CA10: variants seen among roughly 807,000 people sequenced by gnomAD.
CA10 encodes the protein carbonic anhydrase-related protein 10.
Under a neutral mutation model 44.2 loss-of-function variants are expected in CA10, and 14 were observed. That is an observed-to-expected ratio of 0.32 (90% CI 0.21 to 0.50). The LOEUF is 0.50. Among genes scored for constraint, CA10 ranks in the 20% least tolerant of loss-of-function variants. CA10 has a pLI of 0.99. For synonymous variants in CA10, 159 were observed against 141.6 expected (o/e 1.12, Z -0.87); for missense variants, 350 against 409.7 (o/e 0.85, Z 1.26).
chr17:51,970,662 A>G (rs1984249785), intron 2 of CA10, among the ~76,000 whole-genome samples: 1 of 152,072 alleles, frequency 6.6e-6, no homozygotes, highest in Admixed American at 6.6e-5. Flanking sequence ...TTTGTGATCT[A>G]ATTCATCAGT....
chr17:52,138,477 T>G (rs2143374344), intron 1 of CA10, among the ~76,000 whole-genome samples: 1 of 152,374 alleles, frequency 6.6e-6, no homozygotes, highest in African/African-American at 2.4e-5. Context: ...TCCTGCCTTT[T>G]GTATCCAGTC....
At chr17:51,676,337 C>T (rs943744023) in intron 4 of CA10, among the ~76,000 whole-genome samples, 1 of 152,174 alleles carries the variant, frequency 6.6e-6, no homozygotes, top group African/African-American at 2.4e-5. Flanking sequence ...TTCAAGTCAT[C>T]TTTGGGAATC....
intron 4 of CA10, among the ~76,000 whole-genome samples, chr17:51,669,010 G>A (rs1316788951): frequency 1.3e-5 from 2 of 152,186 alleles, no homozygotes; most frequent in African/African-American, 4.8e-5. Context: ...CTTCCCTGTG[G>A]GGCAGGGCTG....
intron 3 of CA10, among the ~76,000 whole-genome samples, chr17:51,800,622 GA>G (rs1296246943): frequency 3.3e-5 from 5 of 152,118 alleles, no homozygotes; most frequent in African/African-American, 1.2e-4. Flanking sequence ...TAGATTGTAA[GA>G]GACACCATTA....
chr17:52,068,295 C>A (rs1987589363), intron 2 of CA10, among the ~76,000 whole-genome samples: 1 of 152,186 alleles, frequency 6.6e-6, no homozygotes, highest in Non-Finnish European at 1.5e-5. Flanking sequence ...CTTCCTGCAG[C>A]CTTGTAAAGA....
intron 3 of CA10, among the ~76,000 whole-genome samples, chr17:51,814,446 G>A (rs1598058499): frequency 6.6e-6 from 1 of 152,276 alleles, no homozygotes; most frequent in East Asian, 1.9e-4. Context: ...ATGAAGAAAT[G>A]TACGAGTGGG....
chr17:52,108,890 A>G (rs191460845), intron 1 of CA10, among the ~76,000 whole-genome samples: 103 of 152,186 alleles, frequency 6.8e-4, no homozygotes, highest in African/African-American at 2.4e-3. Context: ...CACCAACTGT[A>G]CCCCAACAAG....
intron 1 of CA10, among the ~76,000 whole-genome samples, chr17:52,084,898 CA>C (rs1192395641): frequency 5.3e-5 from 8 of 152,192 alleles, no homozygotes; most frequent in African/African-American, 1.9e-4. Flanking sequence ...ATAAGAGTTC[CA>C]GGAAGTGCTA....
intron 3 of CA10, among the ~76,000 whole-genome samples, chr17:51,902,372 G>A (rs1195422195): frequency 6.6e-6 from 1 of 152,096 alleles, no homozygotes; most frequent in Non-Finnish European, 1.5e-5. Context: ...GTCACCTCAG[G>A]TGTCATGATG....
At chr17:51,799,720 TCC>T (rs1906853078) in intron 3 of CA10, among the ~76,000 whole-genome samples, 1 of 152,178 alleles carries the variant, frequency 6.6e-6, no homozygotes, top group African/African-American at 2.4e-5. Flanking sequence ...GAGTATATTA[TCC>T]AAAGAAGATA....
chr17:51,649,872 G>T, intron 5 of CA10, among the ~76,000 whole-genome samples: 1 of 83,428 alleles, frequency 1.2e-5, no homozygotes, highest in Non-Finnish European at 2.8e-5. Flanking sequence ...GAGGTATAAG[G>T]AAATGGAAAA....
intron 3 of CA10, among the ~76,000 whole-genome samples, chr17:51,880,773 GACTT>G (rs1363386244): frequency 1.3e-5 from 2 of 151,882 alleles, no homozygotes; most frequent in Non-Finnish European, 2.9e-5. Context: ...AGTAATGAAA[GACTT>G]ACGTGGAAGC....
chr17:52,057,736 T>G (rs1987269650), intron 2 of CA10, among the ~76,000 whole-genome samples: 1 of 152,112 alleles, frequency 6.6e-6, no homozygotes, highest in South Asian at 2.1e-4. Flanking sequence ...ATCACTGGCA[T>G]TTTTACAATT....
chr17:51,850,386 C>T (rs1291747458), intron 3 of CA10, among the ~76,000 whole-genome samples: 1 of 152,192 alleles, frequency 6.6e-6, no homozygotes, highest in African/African-American at 2.4e-5. Flanking sequence ...AACAAGTACA[C>T]TCGCCACCTA....
At chr17:52,098,272 T>C (rs952718283) in intron 1 of CA10, among the ~76,000 whole-genome samples, 7 of 152,236 alleles carry the variant, frequency 4.6e-5, no homozygotes, top group Admixed American at 3.3e-4. Flanking sequence ...ACAGTGTTTA[T>C]CAAACCTCAG....
At chr17:51,690,676 G>T (rs889267437) in intron 4 of CA10, among the ~76,000 whole-genome samples, 4 of 152,286 alleles carry the variant, frequency 2.6e-5, no homozygotes, top group East Asian at 3.9e-4. Flanking sequence ...ACATGCCTTT[G>T]CTTCTCTTTC....
chr17:51,878,420 A>T (rs1199409368), intron 3 of CA10, among the ~76,000 whole-genome samples: 1 of 152,122 alleles, frequency 6.6e-6, no homozygotes, highest in Non-Finnish European at 1.5e-5. Flanking sequence ...CAATTACCCC[A>T]GCTATTTAGA....
At chr17:51,636,476 T>G (rs770044342) in intron 6 of CA10, among the ~76,000 whole-genome samples, 4 of 152,180 alleles carry the variant, frequency 2.6e-5, no homozygotes, top group Non-Finnish European at 4.4e-5. Context: ...AGGCTGATGT[T>G]GGGGATGCGA....
At chr17:52,024,287 C>T (rs1173278971) in intron 2 of CA10, among the ~76,000 whole-genome samples, 3 of 152,050 alleles carry the variant, frequency 2.0e-5, no homozygotes, top group African/African-American at 7.2e-5. Flanking sequence ...ATAGACTGAA[C>T]ACATAATATA....
Sources: gnomAD v4.1 joint callset for allele counts (sites outside exome capture counted in the v4.1 genomes callset) on GRCh38, gnomAD v4.1.1 for gene constraint, MANE v1.5 for transcripts, NCBI Gene and HGNC (gene_info 2026-07-23, HGNC 2026-07-21) for gene names.